Variants in NAALADL2 observed in about 807,000 individuals in gnomAD.
NAALADL2 encodes the protein inactive N-acetylated-alpha-linked acidic dipeptidase-like protein 2.
Under a neutral mutation model 87.2 loss-of-function variants are expected in NAALADL2, and 76 were observed. The ratio of observed to expected loss-of-function variants is 0.87; its 90% CI spans 0.72 to 1.05. NAALADL2 has a LOEUF of 1.05. Ranked by LOEUF, NAALADL2 falls within the 50% of genes least tolerant of loss-of-function variation. NAALADL2 has a pLI of 0.00. For synonymous variants in NAALADL2, 354 were observed against 331.0 expected (o/e 1.07, Z -0.75); for missense variants, 1,089 against 945.8 (o/e 1.15, Z -1.99).
At chr3:175,317,617 A>G (rs745778812) in intron 4 of NAALADL2, among the ~76,000 whole-genome samples, 2 of 152,034 alleles carry the variant, frequency 1.3e-5, no homozygotes, top group Non-Finnish European at 1.5e-5. Flanking sequence ...GTGACACCCA[A>G]TATGTGGTTA....
intron 2 of NAALADL2, among the ~76,000 whole-genome samples, chr3:175,110,805 T>C (rs1353215798): frequency 6.6e-6 from 1 of 151,808 alleles, no homozygotes. Context: ...AGAAAAAATA[T>C]GTGAAAATAA....
At chr3:175,543,854 A>T (rs927663734) in intron 9 of NAALADL2, among the ~76,000 whole-genome samples, 1 of 152,212 alleles carries the variant, frequency 6.6e-6, no homozygotes, top group Non-Finnish European at 1.5e-5. Context: ...ATTAATAAGG[A>T]ACCTCTCTAA....
chr3:175,213,077 T>C (rs1401872369), intron 2 of NAALADL2, among the ~76,000 whole-genome samples: 2 of 152,132 alleles, frequency 1.3e-5, no homozygotes, highest in Non-Finnish European at 2.9e-5. Flanking sequence ...TATTACGCAA[T>C]TTACAAACAT....
chr3:174,586,258 G>A (rs1295426065), intron 2 of NAALADL2, among the ~76,000 whole-genome samples: 2 of 152,236 alleles, frequency 1.3e-5, no homozygotes, highest in East Asian at 1.9e-4. Context: ...TGTACAGGTT[G>A]TAATGCATTT....
chr3:175,269,885 T>A (rs977639188), intron 4 of NAALADL2, among the ~76,000 whole-genome samples: 2 of 152,172 alleles, frequency 1.3e-5, no homozygotes, highest in African/African-American at 4.8e-5. Flanking sequence ...AACAAATATG[T>A]TTTCAGATTA....
intron 11 of NAALADL2, among the ~76,000 whole-genome samples, chr3:175,693,222 C>T (rs576426795): frequency 6.6e-6 from 1 of 152,236 alleles, no homozygotes; most frequent in South Asian, 2.1e-4. Context: ...TTATGGGGGC[C>T]CCATCACACA....
chr3:175,072,553 A>G (rs1165909883), intron 1 of NAALADL2, among the ~76,000 whole-genome samples: 1 of 151,784 alleles, frequency 6.6e-6, no homozygotes, highest in African/African-American at 2.4e-5. Context: ...TCTGCAACTT[A>G]AAATGGAGGG....
At chr3:174,877,786 A>G (rs1474900967) in intron 1 of NAALADL2, among the ~76,000 whole-genome samples, 1 of 152,112 alleles carries the variant, frequency 6.6e-6, no homozygotes, top group Non-Finnish European at 1.5e-5. Flanking sequence ...GACTTTATTT[A>G]GCTGAAAGTA....
At chr3:174,948,420 A>T (rs945586761) in intron 1 of NAALADL2, among the ~76,000 whole-genome samples, 1 of 151,916 alleles carries the variant, frequency 6.6e-6, no homozygotes, top group Non-Finnish European at 1.5e-5. Flanking sequence ...CAGGTGATCC[A>T]CCCGCCTCGG....
intron 6 of NAALADL2, among the ~76,000 whole-genome samples, chr3:175,455,129 T>C (rs1025116369): frequency 6.6e-6 from 1 of 152,060 alleles, no homozygotes; most frequent in Non-Finnish European, 1.5e-5. Context: ...AGCAGAGTTG[T>C]CACTGCATAA....
intron 1 of NAALADL2, among the ~76,000 whole-genome samples, chr3:174,446,416 T>C (rs1037213705): frequency 2.6e-5 from 4 of 152,222 alleles, no homozygotes; most frequent in East Asian, 1.9e-4. Flanking sequence ...AAATTACTCA[T>C]GAAATTCTTT....
chr3:174,781,722 A>T (rs575422444), intron 3 of NAALADL2, among the ~76,000 whole-genome samples: 5 of 152,084 alleles, frequency 3.3e-5, no homozygotes, highest in Admixed American at 1.3e-4. Flanking sequence ...TTGATGATAC[A>T]AATGTTTCAT....
intron 2 of NAALADL2, among the ~76,000 whole-genome samples, chr3:174,666,597 A>G (rs1240318297): frequency 1.3e-5 from 2 of 152,186 alleles, no homozygotes; most frequent in African/African-American, 2.4e-5. Flanking sequence ...GCAACCAGCC[A>G]TTGAAAGAAC....
chr3:174,674,626 T>A (rs1019047366), intron 2 of NAALADL2, among the ~76,000 whole-genome samples: 3 of 152,024 alleles, frequency 2.0e-5, no homozygotes, highest in African/African-American at 7.2e-5. Context: ...TTAAATAACT[T>A]ATCTACCCTT....
chr3:175,609,667 C>A (rs543460019), intron 10 of NAALADL2: 1 of 152,110 alleles, frequency 6.6e-6, no homozygotes, highest in South Asian at 2.1e-4. Context: ...TATTCTCAAC[C>A]TTTTTTCTTT....
At chr3:174,725,322 G>GT (rs1732080821) in intron 2 of NAALADL2, among the ~76,000 whole-genome samples, 2 of 150,932 alleles carry the variant, frequency 1.3e-5, no homozygotes, top group Non-Finnish European at 2.9e-5. Context: ...TAAAAACATG[G>GT]TTTTTTAAAC....
At chr3:174,449,687 A>C (rs1031212763) in intron 1 of NAALADL2, among the ~76,000 whole-genome samples, 9 of 152,336 alleles carry the variant, frequency 5.9e-5, no homozygotes, top group African/African-American at 1.7e-4. Context: ...TATATGAAAT[A>C]GGTATCTTCT....
At position 175,447,851 on chromosome 3, in the gene NAALADL2, G is replaced by A. The variant is rs568154233; in HGVS notation, c.1234+479G>A. On this transcript the variant is annotated intron_variant, in intron 6 of 13. Coordinates refer to ENST00000454872, the MANE Select transcript of NAALADL2 (RefSeq NM_207015.3). ...GAGATGCTTCTTGTACTGCAGTGCC[G>A]TTTGTCAGGCCTTGTTGGACCACGT... Among the ~76,000 whole-genome samples the A allele has an allele frequency of 7.2e-5, 11 of 152,230 alleles. No homozygotes were observed. The South Asian group carries it at 8.3e-4, about 11-fold the overall frequency.
chr3:175,216,663 CTTTTCTTTTTT>C (rs1742581254), intron 2 of NAALADL2, among the ~76,000 whole-genome samples: 1 of 43,356 alleles, frequency 2.3e-5, no homozygotes, highest in Admixed American at 2.2e-4. Flanking sequence ...CTTTTTTTTT[CTTTTCTTTTTT>C]TTTTTTTTTT....
Sources: allele counts gnomAD v4.1 joint callset (sites outside exome capture counted in the v4.1 genomes callset), GRCh38; gene constraint gnomAD v4.1.1; transcripts MANE v1.5; gene names NCBI Gene and HGNC (gene_info 2026-07-23, HGNC 2026-07-21).